CARD10: variants seen among roughly 807,000 people sequenced by gnomAD.
CARD10 encodes the protein caspase recruitment domain family member 10, also known as caspase recruitment domain-containing protein 10.
CARD10 carries 49 observed loss-of-function variants against 114.6 expected under a neutral mutation model. That is an observed-to-expected ratio of 0.43 (90% confidence interval 0.34 to 0.54). The LOEUF (loss-of-function observed/expected upper bound fraction) is 0.54. Among genes scored for constraint, CARD10 ranks in the 20% least tolerant of loss-of-function variants. CARD10 has a pLI of 0.03. For synonymous variants in CARD10, 602 were observed against 593.2 expected, an observed-to-expected ratio of 1.01 and a Z score of -0.21; for missense variants, 1,206 against 1,397.2, an observed-to-expected ratio of 0.86 and a Z score of 2.18.
chr22:37,493,582 C>T (rs979709042), intron 16 of CARD10, among the ~76,000 whole-genome samples: 1 of 152,150 alleles, frequency 6.6e-6, no homozygotes, highest in African/African-American at 2.4e-5. Flanking sequence ...CTGCCTGGAA[C>T]GAACTCCTCT....
At chr22:37,495,707 C>T in intron 14 of CARD10, 53 bp downstream of exon 14, 1 of 1,611,688 alleles carries the variant, frequency 6.2e-7, no homozygotes, top group Non-Finnish European at 8.5e-7. Flanking sequence ...GCACCCCCAT[C>T]TGAGCCCTGG....
chr22:37,513,320 C>T (rs1319771527), intron 3 of CARD10, among the ~76,000 whole-genome samples: 1 of 152,058 alleles, frequency 6.6e-6, no homozygotes, highest in Admixed American at 6.6e-5. Context: ...CCACGTTAGC[C>T]GGGATGGTCT....
intron 3 of CARD10, chr22:37,512,212 A>T (rs948426951): frequency 1.8e-4 from 27 of 152,302 alleles, no homozygotes; most frequent in African/African-American, 5.8e-4. Context: ...GCAGACGTGC[A>T]TGGCCAGTTT....
At chr22:37,503,038 A>G (rs1923273579) in intron 10 of CARD10, 147 bp downstream of exon 10, 1 of 917,774 alleles carries the variant, frequency 1.1e-6, no homozygotes, top group Non-Finnish European at 1.7e-6. Flanking sequence ...CCCAAGCACA[A>G]CCTTCCTGCC....
rs1922746318 is a variant in CARD10, at chr22:37,490,942, C to A, written c.*217G>T. ...GGAGACCCCAGGAAAGGTGGGGAGGCCCAGAGCAGCAAGTAGAGGGGAGTG... is the reference window on the plus strand; with the variant it reads ...GGAGACCCCAGGAAAGGTGGGGAGGACCAGAGCAGCAAGTAGAGGGGAGTG... On this transcript the variant is annotated 3_prime_UTR_variant, in exon 20 of 20. Transcript: ENST00000251973. 2 of 574,146 alleles carry A rather than the reference C, an allele frequency of 3.5e-6. No homozygotes were observed. The highest frequency in any genetic ancestry group is 6.3e-5 in the Admixed American group (2 of 31,666). 35.6% of individuals were successfully genotyped at this position (574,146 alleles called of 1,614,324 possible). A position where few individuals can be genotyped will look rare whatever the true frequency, so the allele number is the denominator to read the frequency against.
At position 37,507,914 on chromosome 22, in the gene CARD10, G is replaced by A. The variant is rs573923792; in HGVS notation, c.1106C>T (p.Thr369Met). 7.7e-5 allele frequency: 125 copies of A among 1,614,138 alleles called. 4 individuals are homozygous for A. In the South Asian group the frequency reaches 1.2e-3, roughly 16 times the overall value. The change falls in exon 6 of 20, where the codon ACG becomes ATG. Residue 369 changes from threonine (T) to methionine (M), a missense_variant. Transcript: ENST00000251973. ...GTACAGGTCACAGTCCTTCTGCAGC[G>A]TGCGGTGCTTGAGCCGCAGGTCTTC... ...EMEDLRLKHRTLQKDCDLYKH... is the reference protein window; with the variant it reads ...EMEDLRLKHRMLQKDCDLYKH...
At chr22:37,508,800 C>T in intron 4 of CARD10, 118 bp from the exon 5 acceptor site, 1 of 1,283,312 alleles carries the variant, frequency 7.8e-7, no homozygotes, top group Non-Finnish European at 1.1e-6. Context: ...CTCTGCCATG[C>T]TGGCCCGGGG....
chr22:37,503,073 A>C, intron 10 of CARD10, 112 bp downstream of exon 10: 1 of 1,204,124 alleles, frequency 8.3e-7, no homozygotes, highest in East Asian at 2.4e-5. Flanking sequence ...GCGGGGCTTC[A>C]GGGAAGGGGA....
At position 37,502,659 on chromosome 22, in the gene CARD10, G is replaced by C; in HGVS notation, c.1730C>G (p.Pro577Arg). The C allele has an allele frequency of 6.2e-7, 1 of 1,613,990 alleles. No homozygotes were observed. Among genetic ancestry groups the C allele is most frequent in the Non-Finnish European group, 8.5e-7 (1 of 1,179,986 alleles). The change falls in exon 11 of 20, where the codon CCT becomes CGT. Residue 577 changes from proline to arginine, a missense_variant. By Grantham distance (103) the Pro-to-Arg change is moderately radical (BLOSUM62 -2). This residue lies in a region of CARD10 where 1,068 missense variants were observed against 1,179.1 expected (regional missense o/e 0.91). Coordinates refer to ENST00000251973, the MANE Select transcript of CARD10 (RefSeq NM_014550.4). ...SSSSSSDSVW[P>R]LGKPEGLLAR... ...CAGGAGGCCTTCCGGCTTTCCCAAAGGCCACACGCTGTCAGAGGATGAGGA... is the reference window on the plus strand; with the variant it reads ...CAGGAGGCCTTCCGGCTTTCCCAAACGCCACACGCTGTCAGAGGATGAGGA...
intron 19 of CARD10, among the ~76,000 whole-genome samples, 172 bp from the exon 20 acceptor site, chr22:37,491,565 C>A (rs1009794136): frequency 9.7e-3 from 12 of 1,240 alleles, no homozygotes; most frequent in Admixed American, 0.021. Context: ...GAGGGAGAGA[C>A]GGGGGAGGGA....
intron 10 of CARD10, 110 bp downstream of exon 10, chr22:37,503,075 G>A (rs1250464121): frequency 2.7e-5 from 33 of 1,224,540 alleles, no homozygotes; most frequent in Admixed American, 9.0e-5. Context: ...GGGGCTTCAG[G>A]GAAGGGGATG....
Position 37,507,881 on chromosome 22 carries a change from C to G in CARD10, c.1139G>C (p.Arg380Pro). 1 of 1,614,174 alleles carries G rather than the reference C, an allele frequency of 6.2e-7. No homozygotes were observed. Among genetic ancestry groups the G allele is most frequent in the East Asian group, 2.2e-5 (1 of 44,884 alleles). ...LQKDCDLYKH[R>P]MATVLAQLEE... The stretch of plus-strand genomic sequence containing the variant: ...CAGTTGGGCCAGGACAGTGGCCATG[C>G]GGTGCTTGTACAGGTCACAGTCCTT... The change falls in exon 6 of 20, where the codon CGC (arginine) becomes CCC (proline). Residue 380 changes from arginine to proline, a missense_variant. Physicochemically the swap from Arg to Pro is moderately radical, Grantham distance 103. Around this residue, in one of 2 missense-constraint regions of CARD10, gnomAD observed 1,068 missense variants for 1,179.1 expected, o/e 0.91. Transcript: ENST00000251973.
chr22:37,495,167 C>A (rs374285766), intron 15 of CARD10, among the ~76,000 whole-genome samples: 1 of 152,136 alleles, frequency 6.6e-6, no homozygotes, highest in African/African-American at 2.4e-5. Flanking sequence ...GGGGTTTCAC[C>A]GTGTTAGCCA....
In CARD10 at chr22:37,501,523, A is replaced by G. The variant is rs1923213846; in HGVS notation, c.1787+1079T>C. ...GGCTGACCAAGCCGCTCCGGAGGCC[A>G]GAGGCCCTGGTCCTATGCTGTACCC... On this transcript the variant is annotated intron_variant, in intron 11 of 19. Coordinates refer to ENST00000251973, the MANE Select transcript of CARD10 (RefSeq NM_014550.4). This position sits in a 1 kb window ranked among gnomAD's most constrained non-coding sequence, Gnocchi z 5.4. Among the ~76,000 whole-genome samples the G allele has an allele frequency of 6.6e-6, 1 of 152,204 alleles. No homozygotes were observed. Among genetic ancestry groups the G allele is most frequent in the Non-Finnish European group, 1.5e-5 (1 of 68,018 alleles).
chr22:37,516,740 CTAA>C (rs1292617125), intron 2 of CARD10, among the ~76,000 whole-genome samples: 3 of 152,174 alleles, frequency 2.0e-5, no homozygotes, highest in African/African-American at 7.2e-5. Context: ...ACAGTAGCTA[CTAA>C]TATTTGTTAA....
rs114206108 is a variant in CARD10, at chr22:37,503,362, G to T, written c.1635-149C>A. 6.0e-3 allele frequency: 4,301 copies of T among 716,892 alleles called. 172 individuals are homozygous for T. The African/African-American group carries it at 0.073, about 12-fold the overall frequency. 44.4% of individuals were successfully genotyped at this position (716,892 alleles called of 1,614,324 possible). A position where few individuals can be genotyped will look rare whatever the true frequency, so the allele number is the denominator to read the frequency against. On this transcript the variant is annotated intron_variant, in intron 9 of 19. Transcript: ENST00000251973. Reference sequence around the variant, plus strand: ...CTCAAGGCAGGGTCCCAGGTACAGGGCACCCATGCCACCTGGCTCCCCTAA... The same window carrying T: ...CTCAAGGCAGGGTCCCAGGTACAGGTCACCCATGCCACCTGGCTCCCCTAA...
Position 37,490,963 on chromosome 22 carries a change from G to A in CARD10, c.*196C>T. The A allele has an allele frequency of 1.7e-6, 1 of 584,754 alleles. No individual in the cohort carries two copies. The highest frequency in any genetic ancestry group is 3.1e-6 in the Non-Finnish European group (1 of 327,752). 36.2% of individuals were successfully genotyped at this position (584,754 alleles called of 1,614,324 possible). Reference sequence around the variant, plus strand: ...GAGGCCCAGAGCAGCAAGTAGAGGGGAGTGGGCACTCTGTCCCGGGACTCC... The same window carrying A: ...GAGGCCCAGAGCAGCAAGTAGAGGGAAGTGGGCACTCTGTCCCGGGACTCC... On this transcript the variant is annotated 3_prime_UTR_variant, in exon 20 of 20. Coordinates refer to ENST00000251973, the MANE Select transcript of CARD10 (RefSeq NM_014550.4).
rs1923004698 is a variant in CARD10, at chr22:37,496,407, C to A, written c.2059+42G>T. 1 of 1,445,906 alleles carries A rather than the reference C, an allele frequency of 6.9e-7. No homozygotes were observed. Among genetic ancestry groups the A allele is most frequent in the East Asian group, 2.3e-5 (1 of 43,944 alleles). The allele number at this position is 1,445,906 out of a possible 1,614,324, so 89.6% of individuals were successfully genotyped here. A position where few individuals can be genotyped will look rare whatever the true frequency, so the allele number is the denominator to read the frequency against. On this transcript the variant is annotated intron_variant, in intron 13 of 19. Coordinates refer to ENST00000251973, the MANE Select transcript of CARD10 (RefSeq NM_014550.4). This position sits in a 1 kb window ranked among gnomAD's most constrained non-coding sequence, Gnocchi z 4.1. ...ACCCCATGCACCACGGGTTAGAGGA[C>A]CCCTCTGGGGCCAACAGCTCCGACT...
At chr22:37,503,158 C>T in intron 10 of CARD10, 27 bp downstream of exon 10, 1 of 1,609,308 alleles carries the variant, frequency 6.2e-7, no homozygotes, top group Middle Eastern at 1.7e-4. Flanking sequence ...CAGAGGAGCC[C>T]TCCCCACGGA....
Sources: allele counts gnomAD v4.1 joint callset (sites outside exome capture counted in the v4.1 genomes callset), GRCh38; gene constraint gnomAD v4.1.1; regional missense constraint gnomAD v4.1.1; non-coding constraint Gnocchi (gnomAD v3.1); transcripts MANE v1.5; gene names NCBI Gene and HGNC (gene_info 2026-07-23, HGNC 2026-07-21).